Variants in PID1 observed in about 807,000 individuals in gnomAD.
PID1 encodes the protein PTB-containing, cubilin and LRP1-interacting protein.
A neutral mutation model predicts 19.1 loss-of-function variants in PID1; 10 were observed. That is an observed-to-expected ratio of 0.52 (90% confidence interval 0.32 to 0.89). PID1 has a LOEUF of 0.89. PID1 is among the 40% of genes least tolerant of loss of function. The pLI, the probability that PID1 is intolerant of heterozygous loss-of-function variation, is 0.03. For missense variants in PID1, 248 were observed against 285.3 expected (o/e 0.87, Z 0.94); for synonymous variants, 130 against 116.0 (o/e 1.12, Z -0.78).
rs1693394367 is a variant in PID1 at position 229,025,506 on chromosome 2, A to T, written c.*126T>A. 7.0e-6 allele frequency: 5 copies of T among 715,298 alleles called. No homozygotes were observed. 44.3% of individuals were successfully genotyped at this position (715,298 alleles called of 1,614,324 possible). On this transcript the variant is annotated 3_prime_UTR_variant, in exon 3 of 3. Coordinates refer to ENST00000392055, the MANE Select transcript of PID1 (RefSeq NM_001100818.2). ...TTTAGATTTAGAATTGCTCTTCTGA[A>T]TTTAAAAACCTTGGTCAGCCAATAG...
chr2:229,240,370 T>C (rs1254636035), intron 1 of PID1, among the ~76,000 whole-genome samples: 1 of 152,150 alleles, frequency 6.6e-6, no homozygotes, highest in Non-Finnish European at 1.5e-5. Flanking sequence ...TCTCTATTAC[T>C]GAGAAGTCAT....
intron 1 of PID1, among the ~76,000 whole-genome samples, chr2:229,170,651 G>A (rs1690693347): frequency 6.6e-6 from 1 of 152,058 alleles, no homozygotes; most frequent in Non-Finnish European, 1.5e-5. Flanking sequence ...TAAAAAAAAT[G>A]TGTTTTCATT....
chr2:229,178,999 A>G (rs1180487466), intron 1 of PID1, among the ~76,000 whole-genome samples: 1 of 152,150 alleles, frequency 6.6e-6, no homozygotes, highest in Non-Finnish European at 1.5e-5. Context: ...ACTCAGTCCA[A>G]AGAAATTGCA....
intron 1 of PID1, among the ~76,000 whole-genome samples, chr2:229,252,750 T>C (rs1054726596): frequency 2.0e-5 from 3 of 152,252 alleles, no homozygotes; most frequent in Admixed American, 2.0e-4. Flanking sequence ...TATTTTAATA[T>C]AATTTCTCCA....
At chr2:229,029,839 CAA>C (rs35968488) in intron 2 of PID1, among the ~76,000 whole-genome samples, 5 of 114,172 alleles carry the variant, frequency 4.4e-5, no homozygotes, top group Non-Finnish European at 3.6e-5. Context: ...CACTCCGTCT[CAA>C]AAAAAAAAAA....
At chr2:229,087,151 T>A (rs948754610) in intron 2 of PID1, among the ~76,000 whole-genome samples, 3 of 152,206 alleles carry the variant, frequency 2.0e-5, no homozygotes, top group African/African-American at 7.2e-5. Context: ...TACATTAATT[T>A]TTTTTTACCC....
intron 1 of PID1, among the ~76,000 whole-genome samples, chr2:229,241,247 T>G (rs1050787201): frequency 9.2e-5 from 14 of 152,162 alleles, no homozygotes; most frequent in Admixed American, 7.2e-4. Context: ...TGCCAGAATT[T>G]TTTTAGTTTA....
At chr2:229,206,139 C>T (rs554282229) in intron 1 of PID1, among the ~76,000 whole-genome samples, 7 of 152,046 alleles carry the variant, frequency 4.6e-5, no homozygotes, top group Non-Finnish European at 8.8e-5. Context: ...AAATCACTTG[C>T]CAAGGTAATT....
At chr2:229,193,878 C>T (rs1271375759) in intron 1 of PID1, among the ~76,000 whole-genome samples, 1 of 151,560 alleles carries the variant, frequency 6.6e-6, no homozygotes, top group Non-Finnish European at 1.5e-5. Flanking sequence ...AAATTAAACA[C>T]TGGCTTCACA....
chr2:229,095,661 C>T (rs933763755), intron 2 of PID1, among the ~76,000 whole-genome samples: 1 of 152,164 alleles, frequency 6.6e-6, no homozygotes, highest in Non-Finnish European at 1.5e-5. Flanking sequence ...ATTATAGACA[C>T]TGGAATCTGT....
chr2:229,052,431 T>C (rs1476376287), intron 2 of PID1, among the ~76,000 whole-genome samples: 5 of 152,196 alleles, frequency 3.3e-5, no homozygotes, highest in Non-Finnish European at 7.3e-5. Context: ...CTAAGGTGTT[T>C]AGCAATAAAA....
chr2:229,082,631 T>C (rs1389108656), intron 2 of PID1, among the ~76,000 whole-genome samples: 9 of 152,188 alleles, frequency 5.9e-5, no homozygotes, highest in Admixed American at 5.2e-4. Context: ...TGAAAAGGGA[T>C]GCAGCTGGCC....
At position 229,111,035 on chromosome 2, in the gene PID1, T is replaced by A. The variant is rs557411093; in HGVS notation, c.177+44783A>T. Among the ~76,000 whole-genome samples, 6 of 152,316 alleles carry A rather than the reference T, an allele frequency of 3.9e-5. No homozygotes were observed. In the East Asian group the frequency reaches 1.2e-3, roughly 29 times the overall value. ...AGTGAATAAGTCTCATGAGATCTGA[T>A]GCTTTTATAAGGGGTTTCCCCTTTC... is the stretch of plus-strand genomic sequence containing the variant. On this transcript the variant is annotated intron_variant, in intron 2 of 2. Coordinates refer to ENST00000392055, the MANE Select transcript of PID1 (RefSeq NM_001100818.2).
intron 2 of PID1, among the ~76,000 whole-genome samples, chr2:229,058,772 C>T (rs1694154740): frequency 7.1e-6 from 1 of 141,600 alleles, no homozygotes; most frequent in African/African-American, 2.6e-5. Context: ...AAGTCAGAAT[C>T]TATTTTTTCC....
At chr2:229,159,777 T>G (rs1247166370) in intron 1 of PID1, among the ~76,000 whole-genome samples, 3 of 152,116 alleles carry the variant, frequency 2.0e-5, no homozygotes, top group African/African-American at 7.2e-5. Context: ...GACTTGAATT[T>G]AAAAAAGAAA....
chr2:229,197,629 T>C (rs1178692909), intron 1 of PID1, among the ~76,000 whole-genome samples: 4 of 152,038 alleles, frequency 2.6e-5, no homozygotes. Context: ...TGTTTAGTGT[T>C]CTACATTGGG....
intron 2 of PID1, among the ~76,000 whole-genome samples, chr2:229,075,838 G>A (rs1351976476): frequency 1.3e-5 from 2 of 152,102 alleles, no homozygotes; most frequent in East Asian, 3.8e-4. Flanking sequence ...GCCCTCCCTG[G>A]TATCTTGCTG....
intron 2 of PID1, among the ~76,000 whole-genome samples, chr2:229,149,032 A>AATATATATAT (rs71793691): frequency 6.8e-6 from 1 of 147,146 alleles, no homozygotes; most frequent in African/African-American, 2.5e-5. Flanking sequence ...GCTTGAATCT[A>AATATATATAT]ATATATATAT....
At chr2:229,186,208 C>A in intron 1 of PID1, among the ~76,000 whole-genome samples, 1 of 152,178 alleles carries the variant, frequency 6.6e-6, no homozygotes, top group East Asian at 1.9e-4. Flanking sequence ...GGCAGCTCCA[C>A]CCCTGTGGCT....
Sources: allele counts gnomAD v4.1 joint callset (sites outside exome capture counted in the v4.1 genomes callset), GRCh38; gene constraint gnomAD v4.1.1; transcripts MANE v1.5; gene names NCBI Gene and HGNC (gene_info 2026-07-23, HGNC 2026-07-21).